HSD17B4: variants seen among roughly 807,000 people sequenced by gnomAD.
HSD17B4 encodes hydroxysteroid 17-beta dehydrogenase 4, also known as peroxisomal multifunctional enzyme type 2.
HSD17B4 carries 70 observed loss-of-function variants against 101.0 expected under a neutral mutation model. That is an observed-to-expected ratio of 0.69 (90% CI 0.57 to 0.85). HSD17B4 has a LOEUF of 0.85. Among genes scored for constraint, HSD17B4 ranks in the 40% least tolerant of loss-of-function variants. The probability of loss-of-function intolerance (pLI) is 0.00; values close to 1 mark genes in which losing one functional copy is unlikely to be tolerated. For synonymous variants in HSD17B4, 347 were observed against 297.1 expected, an observed-to-expected ratio of 1.17 and a Z score of -1.73; for missense variants, 984 against 892.4, an observed-to-expected ratio of 1.10 and a Z score of -1.31.
intron 16 of HSD17B4, chr5:119,509,612 T>C: frequency 2.8e-6 from 1 of 357,122 alleles, no homozygotes; most frequent in Non-Finnish European, 5.4e-6. Flanking sequence ...TTTCTTCCTA[T>C]GTGTATGTCA....
intron 4 of HSD17B4, among the ~76,000 whole-genome samples, chr5:119,475,286 C>G (rs970974299): frequency 2.0e-5 from 3 of 151,236 alleles, no homozygotes; most frequent in Non-Finnish European, 2.9e-5. Context: ...CAGTTTGTAA[C>G]TCTAATGGTT....
intron 13 of HSD17B4, among the ~76,000 whole-genome samples, chr5:119,500,492 G>T (rs1751059015): frequency 6.6e-6 from 1 of 151,990 alleles, no homozygotes; most frequent in Admixed American, 6.6e-5. Context: ...GGTTGATCAG[G>T]AGTTGGTTTT....
intron 23 of HSD17B4, among the ~76,000 whole-genome samples, chr5:119,539,120 AATG>A (rs1229262135): frequency 6.6e-6 from 1 of 152,186 alleles, no homozygotes; most frequent in Non-Finnish European, 1.5e-5. Context: ...AAAAAAATAA[AATG>A]ATGATACAGA....
At chr5:119,476,802 C>A in intron 6 of HSD17B4, 1 of 575,188 alleles carries the variant, frequency 1.7e-6, no homozygotes, top group Non-Finnish European at 2.2e-6. Flanking sequence ...TTTTTTAGTT[C>A]CTTTTTTCAC....
intron 9 of HSD17B4, 139 bp downstream of exon 9, chr5:119,489,422 T>G: frequency 1.5e-6 from 1 of 666,720 alleles, no homozygotes; most frequent in South Asian, 1.7e-5. Context: ...TAATATCCAT[T>G]TTTTGGAAAG....
chr5:119,538,945 T>C (rs1390416921), intron 23 of HSD17B4, among the ~76,000 whole-genome samples: 2 of 152,204 alleles, frequency 1.3e-5, no homozygotes, highest in Non-Finnish European at 2.9e-5. Flanking sequence ...GGGACAGATA[T>C]TCAGCCTAGC....
chr5:119,541,025 A>G (rs1754945221), intron 23 of HSD17B4, among the ~76,000 whole-genome samples: 1 of 152,176 alleles, frequency 6.6e-6, no homozygotes, highest in African/African-American at 2.4e-5. Context: ...ATTTAGCTAG[A>G]AATCTAGAGG....
intron 2 of HSD17B4, among the ~76,000 whole-genome samples, chr5:119,462,446 T>C (rs571789976): frequency 6.6e-4 from 101 of 152,062 alleles, no homozygotes; most frequent in African/African-American, 2.3e-3. Context: ...TGTTTTCTTA[T>C]CTGTGAAAGT....
intron 2 of HSD17B4, among the ~76,000 whole-genome samples, chr5:119,465,744 A>C (rs954075161): frequency 6.6e-6 from 1 of 152,092 alleles, no homozygotes; most frequent in African/African-American, 2.4e-5. Flanking sequence ...AGGTTTTTCT[A>C]TATGTAGGAT....
At chr5:119,517,007 C>G (rs1228520445) in intron 17 of HSD17B4, among the ~76,000 whole-genome samples, 1 of 152,224 alleles carries the variant, frequency 6.6e-6, no homozygotes, top group Non-Finnish European at 1.5e-5. Context: ...TTTGGCGGCA[C>G]TTGAGGAGCC....
rs201064719 is a variant in HSD17B4, at chr5:119,455,747, GTCT to G, written c.59-563_59-561del. 3.9e-4 allele frequency among the ~76,000 whole-genome samples: 59 copies of G among 152,130 alleles called. 1 individual carries two copies. In the East Asian group the frequency reaches 0.011, roughly 28 times the overall value. On this transcript the variant is annotated intron_variant, in intron 1 of 23. Transcript: ENST00000510025. ...ATACAGGCAATTAGGTTTTAGGCAG[GTCT>G]TCTTAGAATAACTCCTGAAACAATA...
At chr5:119,511,560 G>C (rs951170693) in intron 16 of HSD17B4, among the ~76,000 whole-genome samples, 1 of 152,076 alleles carries the variant, frequency 6.6e-6, no homozygotes, top group African/African-American at 2.4e-5. Flanking sequence ...TTACAACTGG[G>C]TATGATACCA....
chr5:119,505,223 A>G (rs1322704040), intron 14 of HSD17B4, among the ~76,000 whole-genome samples: 1 of 150,964 alleles, frequency 6.6e-6, no homozygotes, highest in African/African-American at 2.4e-5. Flanking sequence ...TGCTTTGACT[A>G]TTCTGGCTCT....
chr5:119,475,021 A>G (rs1010634716), intron 4 of HSD17B4, among the ~76,000 whole-genome samples: 3 of 152,134 alleles, frequency 2.0e-5, no homozygotes, highest in Non-Finnish European at 1.5e-5. Flanking sequence ...CATAAGCCCA[A>G]CATGTTTACA....
At chr5:119,532,294 A>T (rs140458077) in intron 22 of HSD17B4, among the ~76,000 whole-genome samples, 145 of 152,200 alleles carry the variant, frequency 9.5e-4, no homozygotes, top group African/African-American at 3.4e-3. Flanking sequence ...GTCATTTATA[A>T]TTGTATGTTT....
chr5:119,462,718 CTTA>C (rs1561430221), intron 2 of HSD17B4, among the ~76,000 whole-genome samples: 1 of 152,058 alleles, frequency 6.6e-6, no homozygotes, highest in Admixed American at 6.5e-5. Context: ...ATTTTCTTTT[CTTA>C]TTATTTTTAA....
intron 2 of HSD17B4, chr5:119,471,748 TG>T: frequency 1.0e-6 from 1 of 953,494 alleles, no homozygotes; most frequent in South Asian, 1.6e-5. Context: ...CATTTATCTA[TG>T]TATCTTTTTA....
chr5:119,484,841 C>T (rs1315278025), intron 8 of HSD17B4, among the ~76,000 whole-genome samples: 3 of 144,406 alleles, frequency 2.1e-5, no homozygotes, highest in African/African-American at 5.7e-5. Flanking sequence ...ATTTTTTCCC[C>T]TGTTTCCTTG....
chr5:119,510,820 C>T (rs144120195), intron 16 of HSD17B4, among the ~76,000 whole-genome samples: 2 of 152,312 alleles, frequency 1.3e-5, no homozygotes, highest in African/African-American at 4.8e-5. Context: ...GAGCCCTCTG[C>T]CATGCTGTCT....
Sources: gnomAD v4.1 joint callset for allele counts (sites outside exome capture counted in the v4.1 genomes callset) on GRCh38, gnomAD v4.1.1 for gene constraint, MANE v1.5 for transcripts, NCBI Gene and HGNC (gene_info 2026-07-23, HGNC 2026-07-21) for gene names.